The following ANXA1 variants were observed in gnomAD, a reference collection of about 807,000 sequenced individuals.
ANXA1 encodes annexin I (lipocortin I).
In ANXA1, 39 loss-of-function variants were observed where a neutral mutation model predicts 47.9. The observed-to-expected ratio is 0.81, with a 90% CI of 0.63 to 1.06. ANXA1 has a LOEUF of 1.06. Among genes scored for constraint, ANXA1 ranks in the 50% least tolerant of loss-of-function variants. The probability of loss-of-function intolerance (pLI) is 0.00; values close to 1 mark genes in which losing one functional copy is unlikely to be tolerated. For missense variants in ANXA1, 446 were observed against 422.7 expected (o/e 1.06, Z -0.48); for synonymous variants, 146 against 142.5 (o/e 1.02, Z -0.17).
At position 73,163,641 on chromosome 9, in the gene ANXA1, G is replaced by T. The variant is rs1304042397; in HGVS notation, c.612+109G>T. The T allele has an allele frequency of 4.7e-6, 5 of 1,063,298 alleles. No individual in the cohort carries two copies. The South Asian group carries it at 5.7e-5, about 12-fold the overall frequency. The allele number at this position is 1,063,298 out of a possible 1,614,324, so 65.9% of individuals were successfully genotyped here. A position where few individuals can be genotyped will look rare whatever the true frequency, so the allele number is the denominator to read the frequency against. Reference sequence around the variant, plus strand: ...TCTAAGATCTTCTGAGAGACCAATGGCTTCTTAATGTTCATTTCCTGAATG... The same window carrying T: ...TCTAAGATCTTCTGAGAGACCAATGTCTTCTTAATGTTCATTTCCTGAATG... On this transcript the variant is annotated intron_variant, in intron 8 of 12. Transcript: ENST00000257497.
intron 7 of ANXA1, among the ~76,000 whole-genome samples, chr9:73,163,222 A>C (rs553527243): frequency 1.3e-5 from 2 of 152,218 alleles, no homozygotes; most frequent in Non-Finnish European, 2.9e-5. Flanking sequence ...TTCATGAGAG[A>C]TCAGCCCCAG....
Position 73,167,532 on chromosome 9 carries a change from G to A in ANXA1, c.838G>A (p.Glu280Lys). The change falls in exon 11 of 13, where the codon GAG (glutamate) becomes AAG (lysine). Residue 280 changes from glutamate to lysine, a missense_variant. By Grantham distance (56) the Glu-to-Lys change is moderately conservative. Coordinates refer to ENST00000257497, the MANE Select transcript of ANXA1 (RefSeq NM_000700.3). ...CACAAGCAAACCAGCTTTCTTTGCA[G>A]AGAAGCTTCATCAAGCCATGAAAGT... ...CATSKPAFFAEKLHQAMKGVG... is the reference protein window; with the variant it reads ...CATSKPAFFAKKLHQAMKGVG... 1 of 1,613,414 alleles carries A rather than the reference G, an allele frequency of 6.2e-7. No homozygotes were observed. Among genetic ancestry groups the A allele is most frequent in the Non-Finnish European group, 8.5e-7 (1 of 1,179,522 alleles).
intron 6 of ANXA1, among the ~76,000 whole-genome samples, chr9:73,161,461 C>A (rs1824141341): frequency 6.6e-6 from 1 of 152,086 alleles, no homozygotes; most frequent in Non-Finnish European, 1.5e-5. Flanking sequence ...TATTTTATCT[C>A]TCCAGTGAAG....
rs764235820 is a variant in ANXA1, at chr9:73,169,024, T to TTGG, written c.862-7_862-5dup. ...TATGAGACACTTACCCTCATTTATT[T>TTGG]TGGCCAGGGTGTTGGAACTCGCCAT... On this transcript the variant is annotated splice_region_variant and splice_polypyrimidine_tract_variant and intron_variant, in intron 11 of 12. Transcript: ENST00000257497. The TTGG allele has an allele frequency of 2.8e-5, 45 of 1,600,028 alleles. No individual in the cohort carries two copies. The African/African-American group carries it at 5.7e-4, about 20-fold the overall frequency.
intron 1 of ANXA1, among the ~76,000 whole-genome samples, chr9:73,156,762 C>T (rs1824054531): frequency 6.6e-6 from 1 of 152,126 alleles, no homozygotes; most frequent in Non-Finnish European, 1.5e-5. Context: ...GAATTTAAAA[C>T]TGCCAAGATT....
chr9:73,164,928 A>G (rs1394743015), intron 8 of ANXA1, among the ~76,000 whole-genome samples, 188 bp from the exon 9 acceptor site: 1 of 152,144 alleles, frequency 6.6e-6, no homozygotes, highest in Non-Finnish European at 1.5e-5. Context: ...CTTGAGAGAA[A>G]CTGTGGAAGA....
At position 73,160,363 on chromosome 9, in the gene ANXA1, G is replaced by A. The variant is rs752285742; in HGVS notation, c.371G>A (p.Arg124His). 44 of 1,576,154 alleles carry A rather than the reference G, an allele frequency of 2.8e-5. No homozygotes were observed. Among genetic ancestry groups the A allele is most frequent in the Admixed American group, 6.0e-5 (3 of 49,660 alleles). Reference protein sequence around the residue: ...TPAQFDADELRAAMKGLGTDE... With the variant: ...TPAQFDADELHAAMKGLGTDE... ...GCGCAATTTGATGCTGATGAACTTC[G>A]TGCTGCCATGAAGGTAAATCGCCCA... The change falls in exon 5 of 13, where the codon CGT (arginine) becomes CAT (histidine). Residue 124 changes from arginine to histidine, a missense_variant. Arg to His is a conservative substitution (Grantham distance 29). Coordinates refer to ENST00000257497, the MANE Select transcript of ANXA1 (RefSeq NM_000700.3).
chr9:73,163,673 G>A (rs2118162111), intron 8 of ANXA1, 141 bp downstream of exon 8: 2 of 751,902 alleles, frequency 2.7e-6, no homozygotes, highest in East Asian at 6.1e-5. Flanking sequence ...AATGAGGCAT[G>A]TCTTTCTGTA....
At position 73,160,830 on chromosome 9, in the gene ANXA1, AT is replaced by A; in HGVS notation, c.414del (p.Ile138MetfsTer23). On this transcript the variant is annotated frameshift_variant, in exon 6 of 13. Transcript: ENST00000257497. LOFTEE classifies it high-confidence loss of function. ...KGLGTDEDTL[I>X]EILASRTNKE... ...CCTTGGAACTGATGAAGATACTCTA[AT>A]TGAGATTTTGGCATCAAGAACTAAC... The A allele has an allele frequency of 6.2e-7, 1 of 1,612,880 alleles. No individual in the cohort carries two copies. Among genetic ancestry groups the A allele is most frequent in the Non-Finnish European group, 8.5e-7 (1 of 1,179,082 alleles).
intron 11 of ANXA1, 200 bp from the exon 12 acceptor site, chr9:73,168,832 C>T (rs928870250): frequency 4.1e-5 from 18 of 443,782 alleles, no homozygotes; most frequent in Admixed American, 1.2e-4. Flanking sequence ...CTATACCTAC[C>T]GCTAATGTAG....
chr9:73,166,805 A>G (rs150669560), intron 10 of ANXA1, among the ~76,000 whole-genome samples: 1 of 152,284 alleles, frequency 6.6e-6, no homozygotes, highest in Non-Finnish European at 1.5e-5. Flanking sequence ...CTGCTTTTCT[A>G]ACAAGCTCCC....
chr9:73,158,632 C>T (rs1013751305), intron 2 of ANXA1, 31 bp downstream of exon 2: 5 of 1,608,852 alleles, frequency 3.1e-6, no homozygotes, highest in Non-Finnish European at 4.3e-6. Context: ...ATTATGATTA[C>T]AATATTGAAA....
At chr9:73,165,773 T>G (rs1824218826) in intron 9 of ANXA1, among the ~76,000 whole-genome samples, 1 of 152,072 alleles carries the variant, frequency 6.6e-6, no homozygotes, top group South Asian at 2.1e-4. Flanking sequence ...GCACAGGTCT[T>G]TATATAAGGG....
chr9:73,161,548 C>G (rs1824143062), intron 6 of ANXA1, among the ~76,000 whole-genome samples: 1 of 152,098 alleles, frequency 6.6e-6, no homozygotes, highest in South Asian at 2.1e-4. Flanking sequence ...ACTCTCATTT[C>G]CCTGAGCTGC....
intron 3 of ANXA1, among the ~76,000 whole-genome samples, chr9:73,159,122 G>A (rs1439307569): frequency 6.6e-6 from 1 of 152,160 alleles, no homozygotes; most frequent in Non-Finnish European, 1.5e-5. Flanking sequence ...AAAGTTAATT[G>A]TCTCTTCCTT....
At chr9:73,155,335 C>G (rs1824030818) in intron 1 of ANXA1, among the ~76,000 whole-genome samples, 1 of 151,968 alleles carries the variant, frequency 6.6e-6, no homozygotes, top group African/African-American at 2.4e-5. Context: ...AGAACAGGCT[C>G]TTTAAAATCT....
chr9:73,164,268 G>C (rs183256271), intron 8 of ANXA1, among the ~76,000 whole-genome samples: 12 of 152,128 alleles, frequency 7.9e-5, no homozygotes, highest in Non-Finnish European at 1.5e-4. Context: ...GTACATAATA[G>C]GCACTCATGA....
At position 73,170,208 on chromosome 9, in the gene ANXA1, T is replaced by C. The variant is rs1336650330; in HGVS notation, c.*101T>C. On this transcript the variant is annotated 3_prime_UTR_variant, in exon 13 of 13. Coordinates refer to ENST00000257497, the MANE Select transcript of ANXA1 (RefSeq NM_000700.3). Reference sequence around the variant, plus strand: ...AAGTTTCTTCAACAGGATTACAGTGTAGCTACCTACATGCTGAAAAATATA... The same window carrying C: ...AAGTTTCTTCAACAGGATTACAGTGCAGCTACCTACATGCTGAAAAATATA... 6.9e-6 allele frequency: 6 copies of C among 875,746 alleles called. No individual in the cohort carries two copies. The highest frequency in any genetic ancestry group is 1.0e-5 in the Non-Finnish European group (6 of 582,886). The allele number at this position is 875,746 out of a possible 1,614,324, so 54.2% of individuals were successfully genotyped here.
At chr9:73,160,177 C>T (rs1419874475) in intron 4 of ANXA1, 86 bp from the exon 5 acceptor site, 24 of 877,364 alleles carry the variant, frequency 2.7e-5, no homozygotes, top group South Asian at 5.6e-5. Flanking sequence ...ATGAGTTGTA[C>T]GATGACCTAA....
Sources: allele counts gnomAD v4.1 joint callset (sites outside exome capture counted in the v4.1 genomes callset), GRCh38; gene constraint gnomAD v4.1.1; transcripts MANE v1.5; gene names NCBI Gene and HGNC (gene_info 2026-07-23, HGNC 2026-07-21).